The following RYR3 variants were observed in gnomAD, a reference collection of about 807,000 sequenced individuals.
RYR3 encodes brain ryanodine receptor-calcium release channel.
RYR3 carries 207 observed loss-of-function variants against 584.3 expected under a neutral mutation model. That is an observed-to-expected ratio of 0.35 (90% CI 0.32 to 0.40). The LOEUF (loss-of-function observed/expected upper bound fraction) is 0.40. Among genes scored for constraint, RYR3 ranks in the 10% least tolerant of loss-of-function variants. The pLI is 1.00. For synonymous variants in RYR3, 2,416 were observed against 2,248.5 expected (o/e 1.07, Z -2.11); for missense variants, 5,616 against 6,089.2 (o/e 0.92, Z 2.59).
At chr15:33,519,110 G>C (rs772520959) in intron 3 of RYR3, among the ~76,000 whole-genome samples, 2 of 152,200 alleles carry the variant, frequency 1.3e-5, no homozygotes, top group Admixed American at 6.5e-5. Flanking sequence ...ATCCACACCA[G>C]TGGGGAGGGA....
At chr15:33,712,705 G>T (rs1596281802) in intron 43 of RYR3, among the ~76,000 whole-genome samples, 1 of 152,194 alleles carries the variant, frequency 6.6e-6, no homozygotes, top group Admixed American at 6.5e-5. Context: ...GAATACTTAG[G>T]AGGAGGAATA....
At chr15:33,340,534 C>T (rs1971692010) in intron 1 of RYR3, among the ~76,000 whole-genome samples, 2 of 152,092 alleles carry the variant, frequency 1.3e-5, no homozygotes, top group Admixed American at 1.3e-4. Context: ...ACTGAATGTC[C>T]AAGATCAAGG....
intron 2 of RYR3, among the ~76,000 whole-genome samples, chr15:33,478,770 C>G (rs145168903): frequency 6.6e-6 from 1 of 152,308 alleles, no homozygotes; most frequent in South Asian, 2.1e-4. Context: ...TCCCAACTTC[C>G]ACCTTTCTTA....
At chr15:33,429,844 G>A (rs913410257) in intron 1 of RYR3, among the ~76,000 whole-genome samples, 1 of 152,228 alleles carries the variant, frequency 6.6e-6, no homozygotes, top group Non-Finnish European at 1.5e-5. Flanking sequence ...AATATTGTAT[G>A]ACATAAACAA....
At chr15:33,337,934 ATTTTT>A (rs199625940) in intron 1 of RYR3, among the ~76,000 whole-genome samples, 378 of 113,514 alleles carry the variant, frequency 3.3e-3, no homozygotes, top group Non-Finnish European at 4.4e-3. Context: ...ATTTTAGGAG[ATTTTT>A]TTTTTTTTTT....
At position 33,738,457 on chromosome 15, in the gene RYR3, C is replaced by G. The variant is rs200542900; in HGVS notation, c.7523C>G (p.Thr2508Arg). ...EYCKMPLKLL[T>R]NHYEQCWKYY... Reference sequence around the variant, plus strand: ...CTGTTCTGCACCTCCCAGCTTCTGACGAATCACTATGAACAGTGTTGGAAG... The same window carrying G: ...CTGTTCTGCACCTCCCAGCTTCTGAGGAATCACTATGAACAGTGTTGGAAG... Residue 2508 changes from threonine to arginine, a missense_variant, in exon 50 of 104, where the codon ACG becomes AGG. By Grantham distance (71) the Thr-to-Arg change is moderately conservative. This residue lies in a region of RYR3 where 1,280 missense variants were observed against 1,426.2 expected (regional missense o/e 0.90). Transcript: ENST00000634891. The G allele has an allele frequency of 6.2e-7, 1 of 1,612,872 alleles. No individual in the cohort carries two copies. Among genetic ancestry groups the G allele is most frequent in the African/African-American group, 1.3e-5 (1 of 74,896 alleles).
At chr15:33,587,342 A>C (rs2058907432) in intron 16 of RYR3, among the ~76,000 whole-genome samples, 1 of 152,198 alleles carries the variant, frequency 6.6e-6, no homozygotes, top group African/African-American at 2.4e-5. Context: ...GCTATGTGCA[A>C]ATGTCAGAGA....
At chr15:33,396,384 T>G (rs1299161653) in intron 1 of RYR3, among the ~76,000 whole-genome samples, 1 of 152,148 alleles carries the variant, frequency 6.6e-6, no homozygotes, top group Non-Finnish European at 1.5e-5. Context: ...CAGTGACAAT[T>G]GTGGTTGTCA....
chr15:33,709,144 C>T (rs1015609603), intron 43 of RYR3, among the ~76,000 whole-genome samples: 14 of 152,208 alleles, frequency 9.2e-5, no homozygotes, highest in East Asian at 7.7e-4. Context: ...TAACAGTAGC[C>T]GTGTCTAGTT....
intron 2 of RYR3, among the ~76,000 whole-genome samples, chr15:33,478,821 T>C (rs552867329): frequency 7.9e-5 from 12 of 152,214 alleles, no homozygotes; most frequent in Non-Finnish European, 1.8e-4. Context: ...ATATGAGAAC[T>C]ATTTTTTGTT....
chr15:33,356,233 T>C (rs1041794526), intron 1 of RYR3, among the ~76,000 whole-genome samples: 3 of 152,194 alleles, frequency 2.0e-5, no homozygotes, highest in African/African-American at 7.2e-5. Context: ...TAACCTCAAC[T>C]AAACCTAAGA....
intron 18 of RYR3, among the ~76,000 whole-genome samples, chr15:33,610,325 C>A (rs574230252): frequency 9.8e-5 from 15 of 152,340 alleles, no homozygotes; most frequent in African/African-American, 3.6e-4. Flanking sequence ...TCCCAGGCAT[C>A]TTCCTCTCCC....
chr15:33,522,004 A>C (rs1001248905), intron 3 of RYR3, among the ~76,000 whole-genome samples: 3 of 151,574 alleles, frequency 2.0e-5, no homozygotes, highest in Non-Finnish European at 4.4e-5. Context: ...CTGTAATCCC[A>C]GCACTTTGGG....
At chr15:33,809,812 C>G (rs58969910) in intron 70 of RYR3, among the ~76,000 whole-genome samples, 2,348 of 152,084 alleles carry the variant, frequency 0.015, 51 homozygotes, top group African/African-American at 0.052. Flanking sequence ...GGATTCCTCT[C>G]TTAAACCTGC....
intron 3 of RYR3, among the ~76,000 whole-genome samples, chr15:33,509,256 T>G (rs2052752049): frequency 1.3e-5 from 2 of 152,226 alleles, no homozygotes; most frequent in African/African-American, 4.8e-5. Flanking sequence ...GTGCCAAGAT[T>G]TAGACATGTT....
At chr15:33,845,576 C>A (rs1272887001) in intron 93 of RYR3, among the ~76,000 whole-genome samples, 1 of 152,106 alleles carries the variant, frequency 6.6e-6, no homozygotes, top group Non-Finnish European at 1.5e-5. Flanking sequence ...AACTCAGAAT[C>A]TACCACTTAG....
In RYR3 at chr15:33,865,135, C is replaced by CTTATGTCTGGAAGATGT; in HGVS notation, c.14523_14539dup (p.Tyr4847PhefsTer65). On this transcript the variant is annotated frameshift_variant, in exon 104 of 104. Transcript: ENST00000634891. LOFTEE classifies it high-confidence loss of function. ...CCGTTGTTCATATTATTTCAGGAAT[C>CTTATGTCTGGAAGATGT]TTATGTCTGGAAGATGTACCAAGAA... 6.2e-7 allele frequency: 1 copy of CTTATGTCTGGAAGATGT among 1,611,438 alleles called. No individual in the cohort carries two copies. Among genetic ancestry groups the CTTATGTCTGGAAGATGT allele is most frequent in the Non-Finnish European group, 8.5e-7 (1 of 1,177,994 alleles).
intron 32 of RYR3, among the ~76,000 whole-genome samples, chr15:33,657,414 A>T (rs901833362): frequency 2.0e-5 from 3 of 152,236 alleles, no homozygotes; most frequent in African/African-American, 4.8e-5. Context: ...ACTGGTCCAG[A>T]TGAAGTTTCC....
chr15:33,525,049 C>A (rs1014821416), intron 3 of RYR3, among the ~76,000 whole-genome samples: 33 of 152,226 alleles, frequency 2.2e-4, no homozygotes, highest in African/African-American at 7.9e-4. Flanking sequence ...TAGACTCTTC[C>A]GTTGCATGCT....
Sources: gnomAD v4.1 joint callset for allele counts (sites outside exome capture counted in the v4.1 genomes callset) on GRCh38, gnomAD v4.1.1 for gene constraint, gnomAD v4.1.1 regional missense constraint, MANE v1.5 for transcripts, NCBI Gene and HGNC (gene_info 2026-07-23, HGNC 2026-07-21) for gene names.